MCTP2: variants seen among roughly 807,000 people sequenced by gnomAD.
MCTP2 encodes the protein multiple C2 and transmembrane domain containing 2.
MCTP2 carries 132 observed loss-of-function variants against 111.6 expected under a neutral mutation model. The observed-to-expected ratio is 1.18, with a 90% confidence interval of 1.03 to 1.37. The LOEUF is 1.37. Ranked by LOEUF, MCTP2 falls within the 40% of genes most tolerant of loss-of-function variation. The pLI is 0.00. For synonymous variants in MCTP2, 395 were observed against 387.7 expected, an observed-to-expected ratio of 1.02 and a Z score of -0.22; for missense variants, 1,183 against 1,067.9, an observed-to-expected ratio of 1.11 and a Z score of -1.50.
intron 14 of MCTP2, among the ~76,000 whole-genome samples, chr15:94,390,078 A>ATATATG (rs2080819398): frequency 2.1e-5 from 1 of 47,278 alleles, no homozygotes; most frequent in African/African-American, 5.8e-5. Context: ...ATATATATAT[A>ATATATG]TATATATATA....
chr15:94,375,676 T>A (rs2079731686), intron 12 of MCTP2, among the ~76,000 whole-genome samples: 1 of 152,198 alleles, frequency 6.6e-6, no homozygotes, highest in Non-Finnish European at 1.5e-5. Flanking sequence ...TGGACCCTTT[T>A]CTCTTTCCGT....
chr15:94,303,794 CT>C (rs2075758802), intron 2 of MCTP2, among the ~76,000 whole-genome samples: 1 of 152,150 alleles, frequency 6.6e-6, no homozygotes, highest in Admixed American at 6.5e-5. Context: ...TAGTGGAAAC[CT>C]TCCTTCTCTG....
At position 94,476,691 on chromosome 15, in the gene MCTP2, T is replaced by C. The variant is rs1298821044; in HGVS notation, c.2471-5T>C. The C allele has an allele frequency of 1.4e-6, 2 of 1,479,844 alleles. No homozygotes were observed. Among genetic ancestry groups the C allele is most frequent in the African/African-American group, 1.4e-5 (1 of 72,026 alleles). 91.7% of individuals were successfully genotyped at this position (1,479,844 alleles called of 1,614,324 possible). On this transcript the variant is annotated splice_polypyrimidine_tract_variant and splice_region_variant and intron_variant, in intron 21 of 22. Coordinates refer to ENST00000357742, the MANE Select transcript of MCTP2 (RefSeq NM_001385001.1). ...AAAGAGATCTCCTGTGTTTCTATTT[T>C]TCAGGCATAAATAAATTTACTAAGA...
intron 1 of MCTP2, among the ~76,000 whole-genome samples, chr15:94,245,882 A>C (rs1330270896): frequency 2.6e-5 from 4 of 152,038 alleles, no homozygotes; most frequent in Non-Finnish European, 5.9e-5. Flanking sequence ...ACAGGGCAAT[A>C]GAGAAAATGG....
chr15:94,457,466 G>C (rs1380845680), intron 19 of MCTP2, among the ~76,000 whole-genome samples: 1 of 152,130 alleles, frequency 6.6e-6, no homozygotes, highest in Non-Finnish European at 1.5e-5. Flanking sequence ...ATTTGTATTT[G>C]CTTCTAATGT....
intron 4 of MCTP2, 77 bp from the exon 5 acceptor site, chr15:94,339,213 A>G: frequency 9.0e-7 from 1 of 1,113,326 alleles, no homozygotes; most frequent in Non-Finnish European, 1.3e-6. Context: ...GAGTGGGGAA[A>G]GGATCTTTAT....
At chr15:94,392,222 A>T (rs2081022816) in intron 14 of MCTP2, among the ~76,000 whole-genome samples, 1 of 152,012 alleles carries the variant, frequency 6.6e-6, no homozygotes, top group African/African-American at 2.4e-5. Context: ...AATACAAAAA[A>T]TTAGCCGGGT....
intron 14 of MCTP2, among the ~76,000 whole-genome samples, chr15:94,397,689 G>A (rs1219764669): frequency 6.6e-6 from 1 of 152,168 alleles, no homozygotes; most frequent in African/African-American, 2.4e-5. Flanking sequence ...CTTGTAAAGT[G>A]GAATTGCTGT....
chr15:94,303,480 T>C (rs898831795), intron 2 of MCTP2, among the ~76,000 whole-genome samples: 6 of 152,052 alleles, frequency 3.9e-5, no homozygotes, highest in African/African-American at 1.5e-4. Flanking sequence ...GTTAATCTCT[T>C]TTAGCAACAC....
rs200135923 is a variant in MCTP2 at position 94,285,514 on chromosome 15, A to T, written c.-65-12687A>T. Among the ~76,000 whole-genome samples, 437 of 151,422 alleles carry T rather than the reference A, an allele frequency of 2.9e-3. 2 individuals are homozygous for T. Among genetic ancestry groups the T allele is most frequent in the African/African-American group, 9.9e-3 (410 of 41,296 alleles). On this transcript the variant is annotated intron_variant, in intron 1 of 22. Transcript: ENST00000357742. ...CTAATTATGCTTTGCTTCACAATTT[A>T]TTTTTTTTTGTTGAATGGTACATTA...
chr15:94,301,997 A>G (rs982420648), intron 2 of MCTP2, among the ~76,000 whole-genome samples: 1 of 151,870 alleles, frequency 6.6e-6, no homozygotes, highest in African/African-American at 2.4e-5. Context: ...AATGAAGAAG[A>G]AGGAAGGAGT....
intron 2 of MCTP2, among the ~76,000 whole-genome samples, chr15:94,309,079 C>T (rs1596321903): frequency 6.6e-6 from 1 of 152,064 alleles, no homozygotes; most frequent in African/African-American, 2.4e-5. Context: ...AAAAGTGGTA[C>T]AAAAAAATAA....
At position 94,367,666 on chromosome 15, in the gene MCTP2, G is replaced by A. The variant is rs1001752786; in HGVS notation, c.1363G>A (p.Asp455Asn). ...KQANCLELPL[D>N]SCLGALLMLV... Reference sequence around the variant, plus strand: ...AGCCAACTGCCTGGAGCTGCCACTGGACAGCTGTCTGGGGGCTCTCCTTAT... The same window carrying A: ...AGCCAACTGCCTGGAGCTGCCACTGAACAGCTGTCTGGGGGCTCTCCTTAT... Residue 455 changes from aspartate (D) to asparagine (N), a missense_variant, in exon 11 of 23, where the codon GAC becomes AAC. By Grantham distance (23) the Asp-to-Asn change is conservative. Transcript: ENST00000357742. 6.2e-7 allele frequency: 1 copy of A among 1,612,326 alleles called. No homozygotes were observed. The highest frequency in any genetic ancestry group is 1.7e-5 in the Admixed American group (1 of 59,820).
At chr15:94,362,509 G>A (rs888893737) in intron 10 of MCTP2, among the ~76,000 whole-genome samples, 5 of 152,142 alleles carry the variant, frequency 3.3e-5, no homozygotes, top group Non-Finnish European at 1.5e-5. Context: ...CAGTTTATTA[G>A]CGGCTCTGAG....
At chr15:94,245,775 TG>T (rs1203157187) in intron 1 of MCTP2, among the ~76,000 whole-genome samples, 1 of 150,542 alleles carries the variant, frequency 6.6e-6, no homozygotes, top group African/African-American at 2.4e-5. Flanking sequence ...CTTTGGAAGG[TG>T]AAACCTAGTC....
rs1169564201 is a variant in MCTP2, at chr15:94,449,093, A to G, written c.2250+6133A>G. On this transcript the variant is annotated intron_variant, in intron 19 of 22. Coordinates refer to ENST00000357742, the MANE Select transcript of MCTP2 (RefSeq NM_001385001.1). ...TTACTGTGACTCACCCAATTATCCA[A>G]TGAGTTTATGAGATAATTGATAGAA... Among the ~76,000 whole-genome samples, 3 of 152,326 alleles carry G rather than the reference A, an allele frequency of 2.0e-5. No homozygotes were observed. The East Asian group carries it at 5.8e-4, about 29-fold the overall frequency.
In MCTP2 at chr15:94,356,129, T is replaced by C. The variant is rs2078608611; in HGVS notation, c.1006-8T>C. 1 of 1,545,808 alleles carries C rather than the reference T, an allele frequency of 6.5e-7. No individual in the cohort carries two copies. The highest frequency in any genetic ancestry group is 8.7e-7 in the Non-Finnish European group (1 of 1,145,450). ...AAGTTTACATGTCATCTTTATTTTT[T>C]GCTTTAGTCCTCTTTGATACGCAAC... is the stretch of plus-strand genomic sequence containing the variant. On this transcript the variant is annotated splice_polypyrimidine_tract_variant and splice_region_variant and intron_variant, in intron 8 of 22. Coordinates refer to ENST00000357742, the MANE Select transcript of MCTP2 (RefSeq NM_001385001.1).
Position 94,245,055 on chromosome 15 carries a change from T to A in MCTP2, c.-66+13391T>A, listed in dbSNP as rs527445388. On this transcript the variant is annotated intron_variant, in intron 1 of 22. Coordinates refer to ENST00000357742, the MANE Select transcript of MCTP2 (RefSeq NM_001385001.1). The stretch of plus-strand genomic sequence containing the variant: ...GTTTATATACGTATATGTATACACA[T>A]ACATATGTACCTGTTTACGTATATG... Among the ~76,000 whole-genome samples, 3 of 150,024 alleles carry A rather than the reference T, an allele frequency of 2.0e-5. No homozygotes were observed. The South Asian group carries it at 6.3e-4, about 32-fold the overall frequency.
intron 1 of MCTP2, among the ~76,000 whole-genome samples, chr15:94,282,853 G>A (rs2074558693): frequency 6.6e-6 from 1 of 152,158 alleles, no homozygotes. Flanking sequence ...TTATCATTGG[G>A]GGCTGGAAAC....
Sources: gnomAD v4.1 joint callset for allele counts (sites outside exome capture counted in the v4.1 genomes callset) on GRCh38, gnomAD v4.1.1 for gene constraint, MANE v1.5 for transcripts, NCBI Gene and HGNC (gene_info 2026-07-23, HGNC 2026-07-21) for gene names.